TEK: variants seen among roughly 807,000 people sequenced by gnomAD.
TEK encodes the protein TEK receptor tyrosine kinase.
A neutral mutation model predicts 131.8 loss-of-function variants in TEK; 43 were observed. The ratio of observed to expected loss-of-function variants is 0.33; its 90% CI spans 0.26 to 0.42. The LOEUF (loss-of-function observed/expected upper bound fraction) is 0.42, where lower values mean the gene tolerates loss of function less well. Ranked by LOEUF, TEK falls within the 10% of genes least tolerant of loss-of-function variation. The probability of loss-of-function intolerance (pLI) is 1.00; values close to 1 mark genes in which losing one functional copy is unlikely to be tolerated. For missense variants in TEK, 1,162 were observed against 1,384.4 expected, an observed-to-expected ratio of 0.84 and a Z score of 2.55; for synonymous variants, 580 against 491.6, an observed-to-expected ratio of 1.18 and a Z score of -2.38.
rs146931521 is a variant in TEK at position 27,177,808 on chromosome 9, C to T, written c.902-2432C>T. Among the ~76,000 whole-genome samples, 213 of 152,114 alleles carry T rather than the reference C, an allele frequency of 1.4e-3. 2 individuals are homozygous for T. The highest frequency in any genetic ancestry group is 5.0e-3 in the African/African-American group (208 of 41,516). On this transcript the variant is annotated intron_variant, in intron 6 of 22. Transcript: ENST00000380036. ...TCAGGTCCTTTGTCCATTTTTTTATCAGGTTGTTTTCTTGCTATTAAGTGG... is the reference window on the plus strand; with the variant it reads ...TCAGGTCCTTTGTCCATTTTTTTATTAGGTTGTTTTCTTGCTATTAAGTGG...
chr9:27,151,150 A>G (rs1823113658), intron 1 of TEK, among the ~76,000 whole-genome samples: 1 of 152,196 alleles, frequency 6.6e-6, no homozygotes, highest in African/African-American at 2.4e-5. Flanking sequence ...TAGCTGCCCA[A>G]TATCTTCTTG....
chr9:27,175,118 CT>C (rs36158520), intron 6 of TEK, among the ~76,000 whole-genome samples: 16,871 of 136,994 alleles, frequency 0.12, 1,274 homozygotes, highest in Admixed American at 0.21. Context: ...GGTATATCTC[CT>C]AATGCTATCC....
intron 1 of TEK, 90 bp from the exon 2 acceptor site, chr9:27,157,741 C>T: frequency 2.1e-6 from 3 of 1,446,198 alleles, no homozygotes; most frequent in Non-Finnish European, 2.9e-6. Flanking sequence ...CCTCACACAA[C>T]TTTAAGACAA....
intron 1 of TEK, among the ~76,000 whole-genome samples, chr9:27,141,466 T>C (rs556902281): frequency 3.5e-4 from 54 of 152,276 alleles, no homozygotes; most frequent in African/African-American, 1.3e-3. Flanking sequence ...TCCTTTTCCC[T>C]TCCAAGTCTT....
At chr9:27,167,213 A>G (rs117196892) in intron 2 of TEK, among the ~76,000 whole-genome samples, 145 of 152,034 alleles carry the variant, frequency 9.5e-4, no homozygotes, top group Non-Finnish European at 1.9e-3. Context: ...GAAATTTTCA[A>G]TCAATTGGCT....
At chr9:27,121,606 G>C (rs986356229) in intron 1 of TEK, among the ~76,000 whole-genome samples, 1 of 151,356 alleles carries the variant, frequency 6.6e-6, no homozygotes, top group Non-Finnish European at 1.5e-5. Flanking sequence ...TCTGTTTATA[G>C]ATATATGTAT....
At chr9:27,195,489 G>A (rs1286169041) in intron 11 of TEK, among the ~76,000 whole-genome samples, 6 of 152,144 alleles carry the variant, frequency 3.9e-5, no homozygotes, top group Non-Finnish European at 5.9e-5. Context: ...AACAATTGTA[G>A]TAATCTGAAA....
chr9:27,192,727 G>A, intron 11 of TEK, 104 bp downstream of exon 11: 2 of 855,396 alleles, frequency 2.3e-6, no homozygotes, highest in South Asian at 1.4e-5. Context: ...GAGTGGGTGG[G>A]TGGGGATGGA....
chr9:27,189,299 T>C (rs1824720198), intron 9 of TEK, among the ~76,000 whole-genome samples: 1 of 152,152 alleles, frequency 6.6e-6, no homozygotes, highest in East Asian at 1.9e-4. Flanking sequence ...AACCTTTTTA[T>C]TATCATCCCA....
intron 1 of TEK, among the ~76,000 whole-genome samples, chr9:27,136,592 T>C (rs534585340): frequency 1.3e-5 from 2 of 152,178 alleles, no homozygotes; most frequent in East Asian, 3.9e-4. Flanking sequence ...CAATCATAAA[T>C]ACAGAGACAC....
chr9:27,221,922 T>C (rs986097043), intron 21 of TEK, among the ~76,000 whole-genome samples: 1 of 152,114 alleles, frequency 6.6e-6, no homozygotes, highest in Non-Finnish European at 1.5e-5. Context: ...CTTCAGAAGG[T>C]GGGTAATAAC....
chr9:27,142,755 C>T (rs547761475), intron 1 of TEK, among the ~76,000 whole-genome samples: 8 of 152,300 alleles, frequency 5.3e-5, no homozygotes, highest in South Asian at 2.1e-4. Flanking sequence ...ATCACTGTTC[C>T]GGATGTTTTA....
In TEK at chr9:27,197,496, T is replaced by A. The variant is rs1174527708; in HGVS notation, c.1806T>A (p.Leu602=). The change falls in exon 12 of 23, where the codon CTT becomes CTA. Residue 602 remains leucine, a synonymous_variant. Transcript: ENST00000380036. ...KVPGNLTSVL[L]NNLHPREQYV... ...CAGGCAACTTGACTTCGGTGCTACT[T>A]AACAACTTACATCCCAGGGAGCAGT... The A allele has an allele frequency of 6.2e-7, 1 of 1,614,036 alleles. No homozygotes were observed. Among genetic ancestry groups the A allele is most frequent in the East Asian group, 2.2e-5 (1 of 44,858 alleles).
intron 6 of TEK, among the ~76,000 whole-genome samples, chr9:27,175,111 A>G (rs1385170902): frequency 7.5e-6 from 1 of 133,400 alleles, no homozygotes; most frequent in Non-Finnish European, 1.6e-5. Context: ...AGCATTAGGT[A>G]TATCTCCTAA....
rs1477330628 is a variant in TEK at position 27,138,113 on chromosome 9, G to A, written c.53-19718G>A. ...TCTCACTGACCTCAGGAGTGAAGCC[G>A]CAGACCCTCTCAGTGAGTGTTTCAG... is the stretch of plus-strand genomic sequence containing the variant. On this transcript the variant is annotated intron_variant, in intron 1 of 22. Coordinates refer to ENST00000380036, the MANE Select transcript of TEK (RefSeq NM_000459.5). Among the ~76,000 whole-genome samples, 26 of 152,192 alleles carry A rather than the reference G, an allele frequency of 1.7e-4. 1 individual carries two copies. Among genetic ancestry groups the A allele is most frequent in the Admixed American group, 1.7e-3 (26 of 15,282 alleles).
intron 1 of TEK, among the ~76,000 whole-genome samples, chr9:27,156,478 G>C (rs1302391101): frequency 6.6e-6 from 1 of 151,868 alleles, no homozygotes; most frequent in East Asian, 1.9e-4. Flanking sequence ...TGGCACTTAA[G>C]CTGAGACCCA....
chr9:27,130,600 A>T (rs954216471), intron 1 of TEK, among the ~76,000 whole-genome samples: 2 of 151,910 alleles, frequency 1.3e-5, no homozygotes, highest in African/African-American at 4.8e-5. Flanking sequence ...ACTTGGAACA[A>T]ATATGGTAAA....
chr9:27,139,320 C>T (rs1410855452), intron 1 of TEK, among the ~76,000 whole-genome samples: 1 of 130,246 alleles, frequency 7.7e-6, no homozygotes, highest in Non-Finnish European at 1.6e-5. Flanking sequence ...ACAGCTTTAA[C>T]AATTTTTTTT....
intron 6 of TEK, among the ~76,000 whole-genome samples, chr9:27,179,240 A>G (rs74444244): frequency 0.12 from 18,598 of 152,216 alleles, 1,351 homozygotes; most frequent in Admixed American, 0.23. Flanking sequence ...TGCTAAGTCC[A>G]TACAGTGATT....
Sources: gnomAD v4.1 joint callset for allele counts (sites outside exome capture counted in the v4.1 genomes callset) on GRCh38, gnomAD v4.1.1 for gene constraint, MANE v1.5 for transcripts, NCBI Gene and HGNC (gene_info 2026-07-23, HGNC 2026-07-21) for gene names.